Variants in ADAM10 observed in about 807,000 individuals in gnomAD.
ADAM10 encodes the protein ADAM metallopeptidase domain 10.
ADAM10 carries 17 observed loss-of-function variants against 90.1 expected under a neutral mutation model. The ratio of observed to expected loss-of-function variants is 0.19; its 90% CI spans 0.13 to 0.28. The LOEUF (loss-of-function observed/expected upper bound fraction) is 0.28, where lower values mean the gene tolerates loss of function less well. ADAM10 is among the 10% of genes least tolerant of loss of function. The pLI is 1.00. For synonymous variants in ADAM10, 310 were observed against 298.6 expected (o/e 1.04, Z -0.40); for missense variants, 610 against 914.3 (o/e 0.67, Z 4.29).
At chr15:58,629,477 T>C (rs1566972897) in intron 9 of ADAM10, 2 of 152,136 alleles carry the variant, frequency 1.3e-5, no homozygotes, top group East Asian at 1.9e-4. Flanking sequence ...AACAAGCACA[T>C]GAATAAGCAA....
At chr15:58,711,124 C>A (rs1033009782) in intron 2 of ADAM10, among the ~76,000 whole-genome samples, 27 of 152,138 alleles carry the variant, frequency 1.8e-4, no homozygotes, top group African/African-American at 6.3e-4. Flanking sequence ...ACTCTTAAGG[C>A]TACAGGAAGA....
chr15:58,654,439 G>C (rs528416709), intron 5 of ADAM10, among the ~76,000 whole-genome samples: 2 of 152,180 alleles, frequency 1.3e-5, no homozygotes, highest in Admixed American at 6.5e-5. Flanking sequence ...CAGTAAAGTG[G>C]CACAATCTTT....
chr15:58,637,078 T>C (rs1896274938), intron 8 of ADAM10, among the ~76,000 whole-genome samples: 1 of 152,272 alleles, frequency 6.6e-6, no homozygotes. Flanking sequence ...TTTGAAGTTA[T>C]ACTTTTAAAC....
chr15:58,597,633 T>G lies in ADAM10; in HGVS notation c.2161A>C (p.Lys721Gln), dbSNP rs1894995007. 1 of 1,614,002 alleles carries G rather than the reference T, an allele frequency of 6.2e-7. No homozygotes were observed. Among genetic ancestry groups the G allele is most frequent in the Non-Finnish European group, 8.5e-7 (1 of 1,180,020 alleles). Residue 721 changes from lysine to glutamine, a missense_variant, in exon 16 of 16, where the codon AAG becomes CAG. Physicochemically the swap from Lys to Gln is moderately conservative, Grantham distance 53 (BLOSUM62 1). Transcript: ENST00000260408. ...PPPKPLPGTLKRRRPPQPIQQ... is the reference protein window; with the variant it reads ...PPPKPLPGTLQRRRPPQPIQQ... ...ATGGGCTGTGGAGGTCTCCTCCTCT[T>G]TAAAGTGCCTGTGAGCCACAAATAA... is the stretch of plus-strand genomic sequence containing the variant.
intron 1 of ADAM10, among the ~76,000 whole-genome samples, chr15:58,746,928 G>A (rs1193293507): frequency 6.6e-6 from 1 of 152,188 alleles, no homozygotes; most frequent in Non-Finnish European, 1.5e-5. Flanking sequence ...GTCAGAGAAA[G>A]TTTAACTGCT....
intron 2 of ADAM10, among the ~76,000 whole-genome samples, chr15:58,710,635 C>G (rs373041397): frequency 1.3e-5 from 2 of 152,150 alleles, no homozygotes; most frequent in Non-Finnish European, 2.9e-5. Context: ...ATACCTGACA[C>G]GAAGTAGGTA....
At chr15:58,721,336 ACCAAGT>A (rs1460289373) in intron 1 of ADAM10, among the ~76,000 whole-genome samples, 6 of 152,224 alleles carry the variant, frequency 3.9e-5, no homozygotes, top group Non-Finnish European at 8.8e-5. Flanking sequence ...ACACACAGTT[ACCAAGT>A]CCATCTCATT....
intron 9 of ADAM10, among the ~76,000 whole-genome samples, chr15:58,631,656 G>A (rs1446350943): frequency 1.3e-5 from 2 of 152,174 alleles, no homozygotes; most frequent in Non-Finnish European, 2.9e-5. Context: ...TGGGACTAAA[G>A]GCCAGACAAG....
chr15:58,707,140 T>C (rs1183314577), intron 2 of ADAM10, among the ~76,000 whole-genome samples: 3 of 151,284 alleles, frequency 2.0e-5, no homozygotes, highest in Admixed American at 2.0e-4. Context: ...CCCAGCACTC[T>C]GAGAGGCTAA....
At chr15:58,610,688 A>C in intron 13 of ADAM10, 171 bp from the exon 14 acceptor site, 1 of 713,548 alleles carries the variant, frequency 1.4e-6, no homozygotes, top group Non-Finnish European at 2.4e-6. Context: ...AATTCATATT[A>C]AATGTTACAA....
At chr15:58,722,726 C>CTTTTTTTTTTTT (rs71116592) in intron 1 of ADAM10, among the ~76,000 whole-genome samples, 1 of 104,002 alleles carries the variant, frequency 9.6e-6, no homozygotes, top group Non-Finnish European at 1.8e-5. Context: ...AATTTGAGAA[C>CTTTTTTTTTTTT]TTTTTTTTTT....
intron 5 of ADAM10, among the ~76,000 whole-genome samples, chr15:58,650,432 G>A (rs984553890): frequency 2.6e-4 from 39 of 152,128 alleles, no homozygotes; most frequent in Admixed American, 2.2e-3. Flanking sequence ...TAATCCCTGT[G>A]AAGAGAGACT....
chr15:58,731,464 A>C (rs372347296), intron 1 of ADAM10, among the ~76,000 whole-genome samples: 39 of 151,966 alleles, frequency 2.6e-4, no homozygotes, highest in Middle Eastern at 3.4e-3. Context: ...ACAACAACAA[A>C]AAAAATACAA....
chr15:58,736,359 G>C (rs1398475890), intron 1 of ADAM10, among the ~76,000 whole-genome samples: 1 of 152,074 alleles, frequency 6.6e-6, no homozygotes, highest in Non-Finnish European at 1.5e-5. Flanking sequence ...CAAAAAGCTA[G>C]CATATATTAC....
intron 1 of ADAM10, among the ~76,000 whole-genome samples, chr15:58,727,592 G>A (rs891431123): frequency 2.0e-5 from 3 of 151,992 alleles, no homozygotes; most frequent in Admixed American, 6.6e-5. Context: ...TTGGCCTCCC[G>A]AAGTTCTGGG....
In ADAM10 at chr15:58,710,152, G is replaced by A. The variant is rs189014243; in HGVS notation, c.206+7425C>T. ...AATTTAGCTGGGTGTGGTGGTGCAC[G>A]CCTATAGTCCCAGCTACTCGGGAGG... On this transcript the variant is annotated intron_variant, in intron 2 of 15. Transcript: ENST00000260408. 1.4e-3 allele frequency among the ~76,000 whole-genome samples: 212 copies of A among 152,108 alleles called. 1 individual carries two copies. The highest frequency in any genetic ancestry group is 4.7e-3 in the African/African-American group (194 of 41,498).
rs190705827 is a variant in ADAM10 at position 58,690,190 on chromosome 15, C to G, written c.207-7876G>C. Among the ~76,000 whole-genome samples, 20 of 152,114 alleles carry G rather than the reference C, an allele frequency of 1.3e-4. No individual in the cohort carries two copies. The East Asian group carries it at 3.9e-3, about 29-fold the overall frequency. Reference sequence around the variant, plus strand: ...AAAAGCATCTAACAAATTTCAGCACCTACTCATGATAAAATTCTCAGCAAA... The same window carrying G: ...AAAAGCATCTAACAAATTTCAGCACGTACTCATGATAAAATTCTCAGCAAA... On this transcript the variant is annotated intron_variant, in intron 2 of 15. Transcript: ENST00000260408.
chr15:58,647,231 A>G (rs1896568052), intron 5 of ADAM10, among the ~76,000 whole-genome samples: 1 of 139,144 alleles, frequency 7.2e-6, no homozygotes, highest in East Asian at 2.1e-4. Context: ...CTTGGCAGCA[A>G]AGAGTAGACA....
At chr15:58,600,031 CTG>C (rs1317634663) in intron 14 of ADAM10, among the ~76,000 whole-genome samples, 1 of 152,032 alleles carries the variant, frequency 6.6e-6, no homozygotes, top group African/African-American at 2.4e-5. Context: ...AAATACAAAA[CTG>C]GGGTCATCTT....
Sources: allele counts gnomAD v4.1 joint callset (sites outside exome capture counted in the v4.1 genomes callset), GRCh38; gene constraint gnomAD v4.1.1; transcripts MANE v1.5; gene names NCBI Gene and HGNC (gene_info 2026-07-23, HGNC 2026-07-21).